RALY: variants seen among roughly 807,000 people sequenced by gnomAD.
RALY encodes RALY heterogeneous nuclear ribonucleoprotein.
RALY carries 15 observed loss-of-function variants against 30.7 expected under a neutral mutation model. That is an observed-to-expected ratio of 0.49 (90% CI 0.33 to 0.75). RALY has a LOEUF of 0.75. Ranked by LOEUF, RALY falls within the 30% of genes least tolerant of loss-of-function variation. The pLI is 0.02. For synonymous variants in RALY, 177 were observed against 170.8 expected, an observed-to-expected ratio of 1.04 and a Z score of -0.28; for missense variants, 339 against 414.3, an observed-to-expected ratio of 0.82 and a Z score of 1.58.
intron 2 of RALY, among the ~76,000 whole-genome samples, chr20:34,035,184 A>AC (rs1568669802): frequency 6.3e-5 from 9 of 142,804 alleles, no homozygotes; most frequent in Non-Finnish European, 9.2e-5. Context: ...AAAAAAAAAA[A>AC]AAACAGTCTG....
At chr20:34,026,966 G>C (rs1465934051) in intron 1 of RALY, among the ~76,000 whole-genome samples, 2 of 152,066 alleles carry the variant, frequency 1.3e-5, no homozygotes, top group South Asian at 4.1e-4. Context: ...CAGATACTTA[G>C]GCTGACACAG....
At chr20:34,041,157 TAGAG>T (rs1238519898) in intron 2 of RALY, among the ~76,000 whole-genome samples, 1 of 152,118 alleles carries the variant, frequency 6.6e-6, no homozygotes, top group Non-Finnish European at 1.5e-5. Flanking sequence ...CAAAGTTGAA[TAGAG>T]AGAGTATTTC....
intron 2 of RALY, among the ~76,000 whole-genome samples, chr20:34,060,129 C>T (rs189670429): frequency 1.6e-4 from 24 of 152,250 alleles, no homozygotes; most frequent in African/African-American, 5.3e-4. Context: ...TCGCATCCAC[C>T]GTGATAGTAT....
chr20:34,011,337 G>A (rs113455729), intron 1 of RALY, among the ~76,000 whole-genome samples: 7 of 152,308 alleles, frequency 4.6e-5, no homozygotes, highest in South Asian at 2.1e-4. Context: ...ATTTTTAAGA[G>A]CAGCTAGAAA....
At chr20:34,012,457 T>TTCTCTTTCTCC (rs1298758473) in intron 1 of RALY, among the ~76,000 whole-genome samples, 3 of 152,150 alleles carry the variant, frequency 2.0e-5, no homozygotes, top group Non-Finnish European at 4.4e-5. Flanking sequence ...TCTCTTTCTC[T>TTCTCTTTCTCC]TCTTTTTCCT....
intron 1 of RALY, among the ~76,000 whole-genome samples, chr20:34,008,348 G>T (rs2031254506): frequency 6.6e-6 from 1 of 152,144 alleles, no homozygotes; most frequent in Non-Finnish European, 1.5e-5. Flanking sequence ...CTGCATCAGG[G>T]GAGAACATAT....
chr20:34,040,108 C>G (rs2032644017), intron 2 of RALY, among the ~76,000 whole-genome samples: 1 of 149,154 alleles, frequency 6.7e-6, no homozygotes, highest in African/African-American at 2.5e-5. Context: ...GAGACCCCAT[C>G]TCAAAAAAAA....
intron 2 of RALY, among the ~76,000 whole-genome samples, chr20:34,040,968 A>G (rs2032678954): frequency 6.6e-6 from 1 of 152,194 alleles, no homozygotes; most frequent in African/African-American, 2.4e-5. Flanking sequence ...CCCTGAGTGT[A>G]ATAGGAATGT....
intron 6 of RALY, 142 bp downstream of exon 6, chr20:34,076,182 T>C (rs370671069): frequency 9.1e-7 from 1 of 1,098,166 alleles, no homozygotes; most frequent in Non-Finnish European, 1.3e-6. Context: ...AGTATTTTCA[T>C]GCATTTCTAA....
At position 34,075,942 on chromosome 20, in the gene RALY, G is replaced by T; in HGVS notation, c.446G>T (p.Arg149Leu). ...AGGGCGGTCCCTGTGAAGCGACCCC[G>T]GGTCACAGTCCCTTTGGTCCGGCGT... is the stretch of plus-strand genomic sequence containing the variant. ...VPRAVPVKRPRVTVPLVRRVK... is the reference protein window; with the variant it reads ...VPRAVPVKRPLVTVPLVRRVK... The change falls in exon 6 of 10, where the codon CGG (arginine) becomes CTG (leucine). Residue 149 changes from arginine (R) to leucine (L), a missense_variant. Around this residue, in one of 2 missense-constraint regions of RALY, gnomAD observed 268 missense variants for 280.6 expected, o/e 0.95. Coordinates refer to ENST00000246194, the MANE Select transcript of RALY (RefSeq NM_016732.3). 1.2e-6 allele frequency: 2 copies of T among 1,614,182 alleles called. No individual in the cohort carries two copies. The highest frequency in any genetic ancestry group is 1.7e-6 in the Non-Finnish European group (2 of 1,180,034).
At chr20:34,037,859 G>A (rs1364647051) in intron 2 of RALY, among the ~76,000 whole-genome samples, 5 of 152,166 alleles carry the variant, frequency 3.3e-5, no homozygotes, top group Non-Finnish European at 7.3e-5. Flanking sequence ...GAAAGGGCAG[G>A]AGACTCATTG....
chr20:34,071,991 A>T, intron 2 of RALY, 75 bp from the exon 3 acceptor site: 1 of 1,506,658 alleles, frequency 6.6e-7, no homozygotes, highest in Non-Finnish European at 9.0e-7. Context: ...CAATTCATTT[A>T]TCCAGGATAT....
At chr20:34,079,566 T>C (rs564406811) in intron 9 of RALY, among the ~76,000 whole-genome samples, 5 of 152,186 alleles carry the variant, frequency 3.3e-5, no homozygotes, top group Non-Finnish European at 7.3e-5. Flanking sequence ...AAATTGTACA[T>C]ATGCAGTCTT....
chr20:34,075,784 C>T (rs1292759319), intron 5 of RALY, 90 bp from the exon 6 acceptor site: 1 of 1,414,238 alleles, frequency 7.1e-7, no homozygotes. Flanking sequence ...CCCAGCCCCT[C>T]ACCAGCCACA....
chr20:34,004,292 A>C (rs940874437), intron 1 of RALY, among the ~76,000 whole-genome samples: 12 of 152,150 alleles, frequency 7.9e-5, no homozygotes, highest in African/African-American at 2.2e-4. Flanking sequence ...TTTAATTTCT[A>C]ATATTCTGTC....
chr20:34,048,745 A>G (rs1474371076), intron 2 of RALY, among the ~76,000 whole-genome samples: 1 of 149,710 alleles, frequency 6.7e-6, no homozygotes, highest in Non-Finnish European at 1.5e-5. Context: ...AGTCCCAGCT[A>G]CTCGGGAAGC....
rs1355764836 is a variant in RALY at position 34,084,742 on chromosome 20, A to G, written c.*4837A>G. ...GTGTACATGTTCAGCTGACAGCAGTATCAAATGTCAGACATGAGAGAGGAA... is the reference window on the plus strand; with the variant it reads ...GTGTACATGTTCAGCTGACAGCAGTGTCAAATGTCAGACATGAGAGAGGAA... On this transcript the variant is annotated 3_prime_UTR_variant, in exon 10 of 10. Coordinates refer to ENST00000246194, the MANE Select transcript of RALY (RefSeq NM_016732.3). 1.3e-5 allele frequency: 2 copies of G among 152,326 alleles called. No individual in the cohort carries two copies. Among genetic ancestry groups the G allele is most frequent in the Non-Finnish European group, 2.9e-5 (2 of 68,112 alleles). The allele number at this position is 152,326 out of a possible 1,614,324, so 9.4% of individuals were successfully genotyped here.
At chr20:34,011,033 G>T (rs1029221352) in intron 1 of RALY, among the ~76,000 whole-genome samples, 4 of 62,212 alleles carry the variant, frequency 6.4e-5, no homozygotes, top group East Asian at 1.0e-3. Context: ...TAAACTGGGT[G>T]GGGGGGGGGT....
chr20:34,060,376 G>A (rs990018268), intron 2 of RALY, among the ~76,000 whole-genome samples: 1 of 152,220 alleles, frequency 6.6e-6, no homozygotes, highest in Non-Finnish European at 1.5e-5. Flanking sequence ...TGCTCAGCCA[G>A]TTAAGTATCT....
Sources: allele counts gnomAD v4.1 joint callset (sites outside exome capture counted in the v4.1 genomes callset), GRCh38; gene constraint gnomAD v4.1.1; regional missense constraint gnomAD v4.1.1; transcripts MANE v1.5; gene names NCBI Gene and HGNC (gene_info 2026-07-23, HGNC 2026-07-21).